The following RBFOX1 variants were observed in gnomAD, a reference collection of about 807,000 sequenced individuals.
The protein encoded by RBFOX1 is RNA binding fox-1 homolog 1.
In RBFOX1, 8 loss-of-function variants were observed where a neutral mutation model predicts 57.7. The observed-to-expected ratio is 0.14, with a 90% confidence interval of 0.08 to 0.25. The LOEUF is 0.25. RBFOX1 is among the 10% of genes least tolerant of loss of function. The pLI, the probability that RBFOX1 is intolerant of heterozygous loss-of-function variation, is 1.00. For missense variants in RBFOX1, 611 were observed against 548.5 expected (o/e 1.11, Z -1.14); for synonymous variants, 326 against 222.4 (o/e 1.47, Z -4.15).
chr16:7,546,227 T>C (rs62009895), intron 5 of RBFOX1, among the ~76,000 whole-genome samples: 13,608 of 151,906 alleles, frequency 0.09, 825 homozygotes, highest in African/African-American at 0.17. Context: ...CTTAGGAGCC[T>C]GAGGTGGGAG....
At chr16:7,192,074 C>G (rs1025156178) in intron 4 of RBFOX1, among the ~76,000 whole-genome samples, 1 of 151,648 alleles carries the variant, frequency 6.6e-6, no homozygotes, top group Non-Finnish European at 1.5e-5. Context: ...TAGAATTCTA[C>G]GAGCTGTTTT....
intron 4 of RBFOX1, among the ~76,000 whole-genome samples, chr16:5,912,467 C>T (rs1208697509): frequency 1.3e-5 from 2 of 152,156 alleles, no homozygotes; most frequent in African/African-American, 4.8e-5. Flanking sequence ...CCTGGCATCT[C>T]CCAGCTCCTC....
intron 4 of RBFOX1, among the ~76,000 whole-genome samples, chr16:7,399,303 C>G (rs1031127558): frequency 5.3e-5 from 8 of 149,672 alleles, no homozygotes; most frequent in African/African-American, 7.7e-5. Context: ...CAAAATTAGC[C>G]AAGTGCGATG....
At chr16:5,960,869 T>G (rs1171100999) in intron 4 of RBFOX1, among the ~76,000 whole-genome samples, 1 of 152,182 alleles carries the variant, frequency 6.6e-6, no homozygotes, top group Non-Finnish European at 1.5e-5. Flanking sequence ...AGATCAATGG[T>G]GTTGATAGGC....
intron 1 of RBFOX1, among the ~76,000 whole-genome samples, chr16:6,076,259 A>T (rs1567396005): frequency 6.6e-6 from 1 of 151,738 alleles, no homozygotes; most frequent in African/African-American, 2.4e-5. Context: ...AGATTGTGCC[A>T]TTCCACTCCA....
intron 1 of RBFOX1, among the ~76,000 whole-genome samples, chr16:6,275,181 G>A (rs1021698225): frequency 2.0e-5 from 3 of 151,938 alleles, no homozygotes; most frequent in Admixed American, 1.3e-4. Context: ...CATGGTGGCG[G>A]GCGCCTGTAG....
At chr16:7,493,185 C>A (rs1209992507) in intron 4 of RBFOX1, among the ~76,000 whole-genome samples, 1 of 152,148 alleles carries the variant, frequency 6.6e-6, no homozygotes, top group Non-Finnish European at 1.5e-5. Flanking sequence ...CAGCCTTAAG[C>A]CCCTTTTCTT....
chr16:7,127,146 T>G (rs1193052004), intron 4 of RBFOX1, among the ~76,000 whole-genome samples: 1 of 152,178 alleles, frequency 6.6e-6, no homozygotes, highest in Non-Finnish European at 1.5e-5. Context: ...GTTCTACCCC[T>G]GACTGTGATT....
intron 3 of RBFOX1, among the ~76,000 whole-genome samples, chr16:5,685,073 T>C (rs8056887): frequency 0.21 from 31,462 of 152,110 alleles, 4,370 homozygotes; most frequent in East Asian, 0.65. Context: ...CTGAGATGAA[T>C]TGGTCTCATA....
At chr16:5,262,360 C>CGGGA (rs2062755992) in intron 1 of RBFOX1, among the ~76,000 whole-genome samples, 1 of 152,206 alleles carries the variant, frequency 6.6e-6, no homozygotes, top group South Asian at 2.1e-4. Flanking sequence ...GCAGATTGTC[C>CGGGA]TCCCCAATGT....
At chr16:5,294,909 G>C (rs1340193842) in intron 1 of RBFOX1, among the ~76,000 whole-genome samples, 1 of 150,140 alleles carries the variant, frequency 6.7e-6, no homozygotes, top group African/African-American at 2.4e-5. Context: ...GCACGCCTTT[G>C]ATCCCAGCTA....
intron 5 of RBFOX1, among the ~76,000 whole-genome samples, chr16:7,545,674 C>T (rs2084268210): frequency 6.6e-6 from 1 of 152,172 alleles, no homozygotes; most frequent in African/African-American, 2.4e-5. Flanking sequence ...GAAGAGTTGC[C>T]CGACACGGTG....
chr16:6,592,830 A>G (rs539165851), intron 2 of RBFOX1, among the ~76,000 whole-genome samples: 1 of 152,234 alleles, frequency 6.6e-6, no homozygotes, highest in South Asian at 2.1e-4. Flanking sequence ...AGTTCTATTC[A>G]TCCAGGCAAG....
At chr16:6,590,121 AT>A (rs762483618) in intron 2 of RBFOX1, among the ~76,000 whole-genome samples, 12 of 152,146 alleles carry the variant, frequency 7.9e-5, no homozygotes, top group African/African-American at 2.7e-4. Context: ...AAGCATCACC[AT>A]TTTTTCAGCG....
intron 4 of RBFOX1, among the ~76,000 whole-genome samples, chr16:7,398,891 C>T (rs1428804899): frequency 3.3e-5 from 5 of 152,172 alleles, no homozygotes; most frequent in African/African-American, 4.8e-5. Context: ...TTCATTCATA[C>T]GGCTACTGTA....
chr16:7,204,637 C>T (rs1603031289), intron 4 of RBFOX1, among the ~76,000 whole-genome samples: 2 of 152,272 alleles, frequency 1.3e-5, no homozygotes, highest in Middle Eastern at 6.8e-3. Flanking sequence ...CAGAACAAGA[C>T]TGTGTCTTAA....
intron 1 of RBFOX1, among the ~76,000 whole-genome samples, chr16:6,117,811 A>C (rs1307952127): frequency 1.3e-5 from 2 of 152,358 alleles, no homozygotes; most frequent in Non-Finnish European, 2.9e-5. Flanking sequence ...ATTTGGAAAA[A>C]AGACATAGTC....
At chr16:6,337,251 A>G (rs946469903) in intron 2 of RBFOX1, among the ~76,000 whole-genome samples, 1 of 152,196 alleles carries the variant, frequency 6.6e-6, no homozygotes, top group African/African-American at 2.4e-5. Context: ...ATGAGGTTCA[A>G]TGGTCTCCTT....
chr16:7,293,621 C>T (rs2095836856), intron 4 of RBFOX1, among the ~76,000 whole-genome samples: 1 of 152,144 alleles, frequency 6.6e-6, no homozygotes. Flanking sequence ...CATGAGCTGC[C>T]TGTAACCGTG....
Sources: gnomAD v4.1 joint callset for allele counts (sites outside exome capture counted in the v4.1 genomes callset) on GRCh38, gnomAD v4.1.1 for gene constraint, MANE v1.5 for transcripts, NCBI Gene and HGNC (gene_info 2026-07-23, HGNC 2026-07-21) for gene names.